Variants in PVT1 observed in about 807,000 individuals in gnomAD.
PVT1 encodes the protein Pvt1 oncogene, also known as CXCR4/PVT1 fusion.
intron 3 of PVT1, among the ~76,000 whole-genome samples, chr8:127,944,762 G>T (rs1395584612): frequency 6.6e-6 from 1 of 152,160 alleles, no homozygotes; most frequent in African/African-American, 2.4e-5. Flanking sequence ...CCCCTTTGAA[G>T]TGGTTTTAAG....
At chr8:127,969,766 G>A (rs1250929941) in intron 3 of PVT1, among the ~76,000 whole-genome samples, 1 of 152,120 alleles carries the variant, frequency 6.6e-6, no homozygotes, top group Non-Finnish European at 1.5e-5. Context: ...GATAAAGATG[G>A]GAAAGTGAGA....
At chr8:128,007,000 A>G (rs945133349) in intron 4 of PVT1, among the ~76,000 whole-genome samples, 12 of 152,218 alleles carry the variant, frequency 7.9e-5, no homozygotes, top group Non-Finnish European at 2.9e-5. Flanking sequence ...CAGAACTATA[A>G]CCTGAATTTA....
chr8:128,006,595 G>A (rs564189298), intron 4 of PVT1, among the ~76,000 whole-genome samples: 9 of 152,180 alleles, frequency 5.9e-5, no homozygotes, highest in African/African-American at 1.4e-4. Context: ...TTTAGCATTC[G>A]TGGATAATTC....
At chr8:127,806,494 T>C (rs971217326) in intron 2 of PVT1, among the ~76,000 whole-genome samples, 1 of 152,014 alleles carries the variant, frequency 6.6e-6, no homozygotes, top group African/African-American at 2.4e-5. Context: ...GGATGATAAA[T>C]GTGAAAAGAT....
intron 2 of PVT1, among the ~76,000 whole-genome samples, chr8:127,823,640 A>G (rs1341191109): frequency 6.6e-6 from 1 of 152,074 alleles, no homozygotes; most frequent in Non-Finnish European, 1.5e-5. Flanking sequence ...AGGCAGGGAG[A>G]CCAGCATGCC....
intron 2 of PVT1, among the ~76,000 whole-genome samples, chr8:127,855,929 C>G (rs1655669004): frequency 6.6e-6 from 1 of 152,256 alleles, no homozygotes; most frequent in Admixed American, 6.5e-5. Flanking sequence ...TCATGCCCCA[C>G]TCCCTTCTCC....
chr8:127,915,114 C>G (rs1394693165), intron 3 of PVT1, among the ~76,000 whole-genome samples: 2 of 151,892 alleles, frequency 1.3e-5, no homozygotes, highest in Non-Finnish European at 2.9e-5. Context: ...TGTGAGCCAC[C>G]ACACCTGGCC....
chr8:128,048,471 G>C (rs1334014153), intron 4 of PVT1: 1 of 152,212 alleles, frequency 6.6e-6, no homozygotes, highest in Non-Finnish European at 1.5e-5. Context: ...AAGGAGACGG[G>C]AGAGCCTTGA....
intron 2 of PVT1, among the ~76,000 whole-genome samples, chr8:127,806,310 A>G (rs1251534621): frequency 6.6e-6 from 1 of 152,054 alleles, no homozygotes; most frequent in Non-Finnish European, 1.5e-5. Context: ...AAAATACAAA[A>G]ATTAGCTGGG....
At chr8:127,990,414 G>C (rs1307686469) in intron 4 of PVT1, among the ~76,000 whole-genome samples, 1 of 152,138 alleles carries the variant, frequency 6.6e-6, no homozygotes, top group Non-Finnish European at 1.5e-5. Flanking sequence ...TGAAAGGAGA[G>C]AGAAAAAGAG....
chr8:128,054,508 A>G (rs1022050302), intron 4 of PVT1, among the ~76,000 whole-genome samples: 1 of 152,168 alleles, frequency 6.6e-6, no homozygotes. Context: ...GGAACCAACC[A>G]TGGCTTCCTA....
At chr8:127,814,347 T>C (rs144602929) in intron 2 of PVT1, among the ~76,000 whole-genome samples, 1 of 152,204 alleles carries the variant, frequency 6.6e-6, no homozygotes, top group Non-Finnish European at 1.5e-5. Flanking sequence ...CGGGGAGGGT[T>C]TCTGTGTGAA....
At chr8:127,795,145 C>T (rs974275533) in intron 1 of PVT1, among the ~76,000 whole-genome samples, 1 of 152,170 alleles carries the variant, frequency 6.6e-6, no homozygotes, top group African/African-American at 2.4e-5. Context: ...TCTCACACCC[C>T]CTCAGGGCTG....
intron 3 of PVT1, among the ~76,000 whole-genome samples, chr8:127,937,970 T>C (rs1816300087): frequency 6.6e-6 from 1 of 152,198 alleles, no homozygotes; most frequent in Non-Finnish European, 1.5e-5. Context: ...AGGTCGACAC[T>C]GGAGTCCCTC....
At chr8:127,893,332 A>G (rs146287465) in intron 3 of PVT1, among the ~76,000 whole-genome samples, 9 of 152,194 alleles carry the variant, frequency 5.9e-5, no homozygotes, top group African/African-American at 2.2e-4. Flanking sequence ...GCTGGAGTGC[A>G]GTGGCGCAAT....
At chr8:127,979,403 C>G (rs1422447274) in intron 3 of PVT1, among the ~76,000 whole-genome samples, 1 of 152,214 alleles carries the variant, frequency 6.6e-6, no homozygotes, top group Non-Finnish European at 1.5e-5. Context: ...TATGTTTGCC[C>G]TTCTGGTCCT....
At chr8:127,813,144 C>CA (rs1039689955) in intron 2 of PVT1, among the ~76,000 whole-genome samples, 129 of 139,358 alleles carry the variant, frequency 9.3e-4, no homozygotes, top group African/African-American at 3.1e-3. Flanking sequence ...GACTCTGTCT[C>CA]AAAAAAAATA....
chr8:128,100,709 A>G (rs539720770), intron 6 of PVT1, among the ~76,000 whole-genome samples: 15 of 152,326 alleles, frequency 9.8e-5, no homozygotes, highest in African/African-American at 3.1e-4. Flanking sequence ...CCCAACCTCC[A>G]TCTTGCCTTT....
chr8:127,952,548 A>AT (rs1816517456), intron 3 of PVT1, among the ~76,000 whole-genome samples: 2 of 151,954 alleles, frequency 1.3e-5, no homozygotes, highest in African/African-American at 4.8e-5. Context: ...AAGATCTGCC[A>AT]TTTTTTTCTT....
Sources: gnomAD v4.1 joint callset for allele counts (sites outside exome capture counted in the v4.1 genomes callset) on GRCh38, gnomAD v4.1.1 for gene constraint, MANE v1.5 for transcripts, NCBI Gene and HGNC (gene_info 2026-07-23, HGNC 2026-07-21) for gene names.